Variants in IPO5 observed in about 807,000 individuals in gnomAD.
IPO5 encodes importin-5.
In IPO5, 18 loss-of-function variants were observed where a neutral mutation model predicts 143.3. The ratio of observed to expected loss-of-function variants is 0.13; its 90% CI spans 0.09 to 0.19. IPO5 has a LOEUF of 0.19. Among genes scored for constraint, IPO5 ranks in the 10% least tolerant of loss-of-function variants. The pLI is 1.00. For missense variants in IPO5, 1,013 were observed against 1,336.9 expected (o/e 0.76, Z 3.78); for synonymous variants, 477 against 465.7 (o/e 1.02, Z -0.31).
chr13:97,956,157 G>A (rs1884446867), intron 2 of IPO5, among the ~76,000 whole-genome samples: 3 of 150,208 alleles, frequency 2.0e-5, no homozygotes, highest in Non-Finnish European at 3.0e-5. Context: ...AACAAAAAAA[G>A]TAAAAAATAA....
chr13:97,983,812 T>G (rs1887068199), intron 5 of IPO5, among the ~76,000 whole-genome samples: 1 of 152,006 alleles, frequency 6.6e-6, no homozygotes, highest in Non-Finnish European at 1.5e-5. Flanking sequence ...GACTAGCAAC[T>G]TCATGTTCTC....
intron 22 of IPO5, among the ~76,000 whole-genome samples, 171 bp downstream of exon 22, chr13:98,014,385 C>A (rs973527454): frequency 6.6e-6 from 1 of 152,122 alleles, no homozygotes; most frequent in Non-Finnish European, 1.5e-5. Context: ...TCAAGCAATT[C>A]TCATGCCTCA....
At chr13:97,998,197 G>C (rs1221243089) in intron 12 of IPO5, among the ~76,000 whole-genome samples, 1 of 152,154 alleles carries the variant, frequency 6.6e-6, no homozygotes, top group East Asian at 1.9e-4. Context: ...GGATAGTCTC[G>C]ATCTCCTGAC....
chr13:97,973,038 C>CTTTTTTTTTT (rs34572861), intron 3 of IPO5, among the ~76,000 whole-genome samples: 5 of 76,366 alleles, frequency 6.5e-5, no homozygotes, highest in Non-Finnish European at 1.2e-4. Context: ...CTTTTATCTT[C>CTTTTTTTTTT]TTTTTTTTTT....
chr13:97,981,839 C>A (rs965244389), intron 4 of IPO5, among the ~76,000 whole-genome samples: 1 of 152,086 alleles, frequency 6.6e-6, no homozygotes, highest in Admixed American at 6.6e-5. Flanking sequence ...TTATTGTTAA[C>A]CAATTTGTTG....
intron 16 of IPO5, among the ~76,000 whole-genome samples, chr13:98,003,725 T>G (rs769661360): frequency 1.3e-5 from 2 of 151,968 alleles, no homozygotes. Context: ...GGTGCACGCC[T>G]GTAATTCCAG....
chr13:97,955,889 T>G (rs866335584), intron 2 of IPO5, among the ~76,000 whole-genome samples: 77 of 152,182 alleles, frequency 5.1e-4, no homozygotes, highest in African/African-American at 1.8e-3. Context: ...CCCAGCACTT[T>G]GGGAGGCCAA....
chr13:98,000,804 A>G (rs1888705053), intron 13 of IPO5, 159 bp downstream of exon 13: 4 of 592,248 alleles, frequency 6.8e-6, no homozygotes, highest in Non-Finnish European at 1.2e-5. Context: ...TCAATCCCAA[A>G]GAAAATGTAC....
chr13:97,979,079 C>T (rs1353145217), intron 4 of IPO5, among the ~76,000 whole-genome samples: 1 of 152,110 alleles, frequency 6.6e-6, no homozygotes, highest in African/African-American at 2.4e-5. Flanking sequence ...CTCTCTGGTG[C>T]CATAGAATGC....
At chr13:97,973,479 C>T (rs1484356023) in intron 3 of IPO5, among the ~76,000 whole-genome samples, 6 of 152,136 alleles carry the variant, frequency 3.9e-5, no homozygotes, top group Non-Finnish European at 1.5e-5. Context: ...AGCCTGCTAC[C>T]GAAAATACAG....
At chr13:98,010,795 T>TTTTTTTTTTC (rs1889646203) in intron 20 of IPO5, among the ~76,000 whole-genome samples, 1 of 141,682 alleles carries the variant, frequency 7.1e-6, no homozygotes, top group African/African-American at 2.8e-5. Flanking sequence ...TTTTTTTTTT[T>TTTTTTTTTTC]TTTGAGGTGG....
intron 2 of IPO5, among the ~76,000 whole-genome samples, chr13:97,958,281 C>T (rs903721098): frequency 4.6e-5 from 7 of 152,074 alleles, no homozygotes; most frequent in South Asian, 2.1e-4. Context: ...TCCTCAGCCA[C>T]GTGGCTGTTT....
intron 13 of IPO5, chr13:98,001,941 C>CGACT (rs1555309197): frequency 6.6e-6 from 1 of 151,616 alleles, no homozygotes; most frequent in Non-Finnish European, 1.5e-5. Flanking sequence ...ATCAAGTAGT[C>CGACT]ACGCACTTTT....
At position 97,971,951 on chromosome 13, in the gene IPO5, C is replaced by A. The variant is rs1885860855; in HGVS notation, c.-5+2121C>A. Among the ~76,000 whole-genome samples the A allele has an allele frequency of 5.9e-5, 9 of 152,156 alleles. No individual in the cohort carries two copies. The South Asian group carries it at 1.9e-3, about 32-fold the overall frequency. On this transcript the variant is annotated intron_variant, in intron 3 of 28. Coordinates refer to ENST00000651721, the MANE Select transcript of IPO5 (RefSeq NM_002271.6). ...TCAAAACACTCCTATGAAGAACTATCATTCCAATTTTACAGATGAGAAAAC... is the reference window on the plus strand; with the variant it reads ...TCAAAACACTCCTATGAAGAACTATAATTCCAATTTTACAGATGAGAAAAC...
intron 17 of IPO5, among the ~76,000 whole-genome samples, chr13:98,006,864 G>GT: frequency 7.0e-6 from 1 of 142,962 alleles, no homozygotes; most frequent in African/African-American, 2.6e-5. Flanking sequence ...GTTTGGTTTG[G>GT]TGTTTTTTTT....
chr13:97,956,369 A>T (rs1884459605), intron 2 of IPO5, among the ~76,000 whole-genome samples: 1 of 152,268 alleles, frequency 6.6e-6, no homozygotes, highest in Admixed American at 6.5e-5. Context: ...TAAAAATCTG[A>T]TATATAAAAA....
At chr13:97,989,983 A>C in intron 7 of IPO5, 143 bp from the exon 8 acceptor site, 1 of 599,464 alleles carries the variant, frequency 1.7e-6, no homozygotes, top group Non-Finnish European at 2.9e-6. Flanking sequence ...AGGATTGCTT[A>C]GAGAATGGGT....
At chr13:98,016,964 C>T (rs1020800254) in intron 25 of IPO5, 113 bp downstream of exon 25, 1 of 747,054 alleles carries the variant, frequency 1.3e-6, no homozygotes, top group African/African-American at 1.8e-5. Flanking sequence ...TGATTGTTTC[C>T]ATTGTACATC....
At chr13:97,973,828 G>A (rs1233092309) in intron 3 of IPO5, among the ~76,000 whole-genome samples, 4 of 152,288 alleles carry the variant, frequency 2.6e-5, no homozygotes, top group African/African-American at 9.6e-5. Flanking sequence ...CTAGCACTTT[G>A]GGAGGCCAAA....
Sources: gnomAD v4.1 joint callset for allele counts (sites outside exome capture counted in the v4.1 genomes callset) on GRCh38, gnomAD v4.1.1 for gene constraint, MANE v1.5 for transcripts, NCBI Gene and HGNC (gene_info 2026-07-23, HGNC 2026-07-21) for gene names.